RTTN: variants seen among roughly 807,000 people sequenced by gnomAD.
RTTN encodes the protein rotatin.
Under a neutral mutation model 269.2 loss-of-function variants are expected in RTTN, and 182 were observed. The ratio of observed to expected loss-of-function variants is 0.68; its 90% CI spans 0.60 to 0.76. The LOEUF is 0.76. Among genes scored for constraint, RTTN ranks in the 30% least tolerant of loss-of-function variants. The probability of loss-of-function intolerance (pLI) is 0.00; values close to 1 mark genes in which losing one functional copy is unlikely to be tolerated. For missense variants in RTTN, 2,545 were observed against 2,608.6 expected, an observed-to-expected ratio of 0.98 and a Z score of 0.53; for synonymous variants, 1,006 against 963.5, an observed-to-expected ratio of 1.04 and a Z score of -0.82.
intron 26 of RTTN, among the ~76,000 whole-genome samples, chr18:70,115,355 C>T (rs936764738): frequency 6.6e-6 from 1 of 151,648 alleles, no homozygotes; most frequent in East Asian, 1.9e-4. Flanking sequence ...AATACTAGTT[C>T]TTTCTAAAGT....
chr18:70,029,799 G>A (rs763468834), intron 42 of RTTN, among the ~76,000 whole-genome samples: 2 of 152,082 alleles, frequency 1.3e-5, no homozygotes, highest in African/African-American at 4.8e-5. Flanking sequence ...AATAACAACA[G>A]TACATAATAG....
intron 14 of RTTN, 81 bp downstream of exon 14, chr18:70,165,981 A>C (rs1211408183): frequency 5.7e-6 from 8 of 1,395,608 alleles, no homozygotes; most frequent in Non-Finnish European, 7.9e-6. Flanking sequence ...CAAAAGGTCA[A>C]GTAAATTAAG....
At chr18:70,098,480 T>C (rs1457062371) in intron 28 of RTTN, among the ~76,000 whole-genome samples, 1 of 152,158 alleles carries the variant, frequency 6.6e-6, no homozygotes, top group Non-Finnish European at 1.5e-5. Context: ...TGAATTATAT[T>C]TTAAATGCAC....
Position 70,188,144 on chromosome 18 carries a change from A to G in RTTN, c.1269T>C (p.Asp423=). 1 of 1,610,316 alleles carries G rather than the reference A, an allele frequency of 6.2e-7. No homozygotes were observed. Among genetic ancestry groups the G allele is most frequent in the Non-Finnish European group, 8.5e-7 (1 of 1,176,768 alleles). ...CAAAAAGGCTGCTGTCATCCCAGAT[A>G]TCTGTTGAAATTGCTTCACCAATAA... ...MTLIGEAIST[D]IWDDSSLFGI... Residue 423 remains aspartate, a synonymous_variant, in exon 10 of 49, where the codon GAT becomes GAC. Coordinates refer to ENST00000640769, the MANE Select transcript of RTTN (RefSeq NM_173630.4).
chr18:70,160,236 C>T (rs377126655), intron 14 of RTTN, among the ~76,000 whole-genome samples: 178 of 151,762 alleles, frequency 1.2e-3, no homozygotes, highest in Non-Finnish European at 1.8e-3. Flanking sequence ...TAATCCACCA[C>T]GATCAAGTAT....
At chr18:70,090,257 C>A (rs1041398817) in intron 30 of RTTN, among the ~76,000 whole-genome samples, 2 of 152,198 alleles carry the variant, frequency 1.3e-5, no homozygotes, top group African/African-American at 4.8e-5. Context: ...CAGTAGATGC[C>A]TGAAACCACA....
intron 23 of RTTN, among the ~76,000 whole-genome samples, chr18:70,132,893 C>A (rs550572108): frequency 6.6e-6 from 1 of 152,040 alleles, no homozygotes; most frequent in Non-Finnish European, 1.5e-5. Context: ...CTCCTCTTTA[C>A]GGACAAACAT....
chr18:70,057,685 A>T, intron 37 of RTTN, 57 bp downstream of exon 37: 2 of 1,333,534 alleles, frequency 1.5e-6, no homozygotes, highest in Non-Finnish European at 2.1e-6. Flanking sequence ...CCTCAGCAAG[A>T]TTTTTATTTT....
intron 37 of RTTN, among the ~76,000 whole-genome samples, chr18:70,055,332 C>G (rs1326632385): frequency 6.6e-6 from 1 of 151,958 alleles, no homozygotes; most frequent in African/African-American, 2.4e-5. Flanking sequence ...CACACACACA[C>G]ACACTTTTTT....
Position 70,092,164 on chromosome 18 carries a change from A to C in RTTN, c.4089T>G (p.Pro1363=). The C allele has an allele frequency of 1.2e-6, 2 of 1,613,752 alleles. No homozygotes were observed. The highest frequency in any genetic ancestry group is 1.7e-6 in the Non-Finnish European group (2 of 1,179,694). ...PLGSHSEEHI[P]TQQGLAWLIP... is the part of the protein sequence containing the mutation. ...TCAACCAAGCCAATCCTTGTTGAGT[A>C]GGAATATGTTCTTCACTATGACTAC... is the stretch of plus-strand genomic sequence containing the variant. The change falls in exon 30 of 49, where the codon CCT becomes CCG. Residue 1363 remains proline, a synonymous_variant. Transcript: ENST00000640769.
chr18:70,104,559 G>T (rs951329320), intron 28 of RTTN, among the ~76,000 whole-genome samples: 1 of 152,326 alleles, frequency 6.6e-6, no homozygotes, highest in Admixed American at 6.5e-5. Context: ...TTCCTCTGCA[G>T]GAGAAGAGGT....
At chr18:70,138,260 TAA>T (rs970969586) in intron 21 of RTTN, 2 of 152,142 alleles carry the variant, frequency 1.3e-5, no homozygotes, top group African/African-American at 4.8e-5. Context: ...GCCTGGGTGA[TAA>T]GAGTGAAATT....
intron 43 of RTTN, among the ~76,000 whole-genome samples, chr18:70,028,203 C>T (rs1055746422): frequency 6.6e-6 from 1 of 151,922 alleles, no homozygotes; most frequent in African/African-American, 2.4e-5. Flanking sequence ...TCAGTGCTTA[C>T]AGACGAAGCA....
intron 40 of RTTN, among the ~76,000 whole-genome samples, chr18:70,037,599 T>A: frequency 6.6e-6 from 1 of 152,172 alleles, no homozygotes; most frequent in East Asian, 1.9e-4. Flanking sequence ...AGGCCCTGAA[T>A]AACCAGCAGC....
At chr18:70,121,181 C>T (rs1486634121) in intron 26 of RTTN, among the ~76,000 whole-genome samples, 1 of 152,146 alleles carries the variant, frequency 6.6e-6, no homozygotes, top group Non-Finnish European at 1.5e-5. Flanking sequence ...TATAACTGCA[C>T]CATCACTATA....
At chr18:70,036,343 A>G (rs1193975125) in intron 40 of RTTN, among the ~76,000 whole-genome samples, 1 of 152,240 alleles carries the variant, frequency 6.6e-6, no homozygotes, top group African/African-American at 2.4e-5. Flanking sequence ...GCACATATAC[A>G]CCATGGAATA....
intron 35 of RTTN, among the ~76,000 whole-genome samples, chr18:70,062,644 G>A: frequency 7.4e-6 from 1 of 134,634 alleles, no homozygotes; most frequent in East Asian, 2.1e-4. Flanking sequence ...TGGAGAAATG[G>A]TCTCACTGTT....
chr18:70,123,727 T>C (rs2059795048), intron 25 of RTTN, among the ~76,000 whole-genome samples: 1 of 152,088 alleles, frequency 6.6e-6, no homozygotes, highest in Admixed American at 6.6e-5. Context: ...GCTCCTCTAA[T>C]GCAGTTTCCT....
At chr18:70,195,432 A>T (rs557406949) in intron 7 of RTTN, among the ~76,000 whole-genome samples, 1 of 152,264 alleles carries the variant, frequency 6.6e-6, no homozygotes, top group South Asian at 2.1e-4. Flanking sequence ...ACCTGTCCCC[A>T]GCCTTTTAAA....
Sources: allele counts gnomAD v4.1 joint callset (sites outside exome capture counted in the v4.1 genomes callset), GRCh38; gene constraint gnomAD v4.1.1; transcripts MANE v1.5; gene names NCBI Gene and HGNC (gene_info 2026-07-23, HGNC 2026-07-21).